Variants in EPHA6 observed in about 807,000 individuals in gnomAD.
EPHA6 encodes the protein ephrin type-A receptor 6.
A neutral mutation model predicts 112.0 loss-of-function variants in EPHA6; 50 were observed. The observed-to-expected ratio is 0.45, with a 90% CI of 0.36 to 0.56. The LOEUF (loss-of-function observed/expected upper bound fraction) is 0.56, where lower values mean the gene tolerates loss of function less well. Ranked by LOEUF, EPHA6 falls within the 20% of genes least tolerant of loss-of-function variation. The probability of loss-of-function intolerance (pLI) is 0.00; values close to 1 mark genes in which losing one functional copy is unlikely to be tolerated. For synonymous variants in EPHA6, 529 were observed against 490.7 expected (o/e 1.08, Z -1.03); for missense variants, 1,280 against 1,417.4 (o/e 0.90, Z 1.56).
chr3:97,248,135 T>C (rs1018389373), intron 5 of EPHA6, among the ~76,000 whole-genome samples: 3 of 152,004 alleles, frequency 2.0e-5, no homozygotes, highest in Non-Finnish European at 4.4e-5. Context: ...TAGATGTAGT[T>C]AGGAGAAACA....
intron 1 of EPHA6, among the ~76,000 whole-genome samples, chr3:96,828,178 A>G (rs572149113): frequency 4.6e-5 from 7 of 152,194 alleles, no homozygotes; most frequent in African/African-American, 1.7e-4. Flanking sequence ...TCTCCTAAAC[A>G]TATCAGAGTT....
intron 1 of EPHA6, among the ~76,000 whole-genome samples, chr3:96,827,549 T>C (rs763397673): frequency 4.3e-4 from 66 of 152,200 alleles, no homozygotes; most frequent in South Asian, 4.1e-4. Flanking sequence ...AGATATGAAG[T>C]GTGCTAGAAA....
chr3:97,307,778 T>C (rs1017128893), intron 5 of EPHA6, among the ~76,000 whole-genome samples: 2 of 151,776 alleles, frequency 1.3e-5, no homozygotes, highest in Non-Finnish European at 2.9e-5. Flanking sequence ...TGGGTAGTGT[T>C]AAATGGCATG....
chr3:96,869,102 T>TA (rs1211597508), intron 2 of EPHA6, among the ~76,000 whole-genome samples: 4 of 152,066 alleles, frequency 2.6e-5, no homozygotes, highest in African/African-American at 9.6e-5. Context: ...TGCCAACATT[T>TA]AAAATATACT....
At chr3:97,720,165 A>G (rs2034461926) in intron 14 of EPHA6, 96 bp from the exon 15 acceptor site, 10 of 1,108,226 alleles carry the variant, frequency 9.0e-6, no homozygotes, top group Non-Finnish European at 1.2e-5. Flanking sequence ...ATTATGAAGT[A>G]TTTAGATCTT....
At position 97,312,200 on chromosome 3, in the gene EPHA6, G is replaced by A. The variant is rs73133047; in HGVS notation, c.1606+67913G>A. On this transcript the variant is annotated intron_variant, in intron 5 of 17. Coordinates refer to ENST00000389672, the MANE Select transcript of EPHA6 (RefSeq NM_001080448.3). ...GTATAAGATCCTTTTATTTTTTCCC[G>A]TGTACACAATTATTCCATCTGCAAA... is the stretch of plus-strand genomic sequence containing the variant. 3.1e-3 allele frequency among the ~76,000 whole-genome samples: 470 copies of A among 150,626 alleles called. 5 individuals are homozygous for A. The highest frequency in any genetic ancestry group is 1.9e-3 in the Non-Finnish European group (125 of 67,498).
intron 6 of EPHA6, among the ~76,000 whole-genome samples, chr3:97,445,866 G>T (rs186687135): frequency 6.6e-6 from 1 of 152,036 alleles, no homozygotes; most frequent in African/African-American, 2.4e-5. Flanking sequence ...ACAATGGAAC[G>T]TGTTCCCTAG....
chr3:96,952,026 T>C (rs888113498), intron 2 of EPHA6, among the ~76,000 whole-genome samples: 3 of 152,134 alleles, frequency 2.0e-5, no homozygotes, highest in African/African-American at 4.8e-5. Flanking sequence ...GTGGGTATAC[T>C]TAATCTTGAC....
At chr3:97,174,731 T>C (rs1383677128) in intron 3 of EPHA6, among the ~76,000 whole-genome samples, 4 of 151,906 alleles carry the variant, frequency 2.6e-5, no homozygotes, top group African/African-American at 9.7e-5. Context: ...TGCCCATGTG[T>C]TGATCAGATT....
rs550374485 is a variant in EPHA6 at position 97,278,313 on chromosome 3, G to A, written c.1606+34026G>A. Among the ~76,000 whole-genome samples, 430 of 152,266 alleles carry A rather than the reference G, an allele frequency of 2.8e-3. 1 individual carries two copies. Among genetic ancestry groups the A allele is most frequent in the Non-Finnish European group, 4.8e-3 (328 of 68,016 alleles). ...CACTACTTTGAAGTTAGGACTGGTC[G>A]TGTTATGCTGATACTTAAAGATGTT... is the stretch of plus-strand genomic sequence containing the variant. On this transcript the variant is annotated intron_variant, in intron 5 of 17. Coordinates refer to ENST00000389672, the MANE Select transcript of EPHA6 (RefSeq NM_001080448.3).
At chr3:97,673,398 A>C (rs1355185038) in intron 14 of EPHA6, among the ~76,000 whole-genome samples, 1 of 152,168 alleles carries the variant, frequency 6.6e-6, no homozygotes, top group Non-Finnish European at 1.5e-5. Context: ...AAATAAAATA[A>C]TTGCTTTGAG....
intron 2 of EPHA6, among the ~76,000 whole-genome samples, chr3:96,944,093 C>G (rs953126812): frequency 6.6e-6 from 1 of 152,104 alleles, no homozygotes; most frequent in Admixed American, 6.6e-5. Flanking sequence ...TCTCAGTTAA[C>G]TCTCCATGAA....
rs147082777 is a variant in EPHA6 at position 97,111,310 on chromosome 3, T to G, written c.1115-114954T>G. The stretch of plus-strand genomic sequence containing the variant: ...ACTGAATTGAGTTTTTGAGATCTAT[T>G]ATTGTGGTGTTCATTTATTGTGTGA... On this transcript the variant is annotated intron_variant, in intron 3 of 17. Coordinates refer to ENST00000389672, the MANE Select transcript of EPHA6 (RefSeq NM_001080448.3). Among the ~76,000 whole-genome samples the G allele has an allele frequency of 1.1e-4, 16 of 152,294 alleles. 1 individual carries two copies. Among genetic ancestry groups the G allele is most frequent in the Non-Finnish European group, 2.4e-4 (16 of 68,028 alleles).
At chr3:97,226,188 A>T in intron 3 of EPHA6, 76 bp from the exon 4 acceptor site, 3 of 1,187,844 alleles carry the variant, frequency 2.5e-6, no homozygotes, top group Non-Finnish European at 3.5e-6. Context: ...AATATAAATT[A>T]AAGTATGTTG....
chr3:97,630,704 G>A (rs559822895), intron 13 of EPHA6, among the ~76,000 whole-genome samples: 20 of 151,914 alleles, frequency 1.3e-4, no homozygotes, highest in Non-Finnish European at 2.1e-4. Flanking sequence ...AAGATGAAAC[G>A]TCCAATAAGA....
At chr3:97,553,629 C>G (rs2093061570) in intron 11 of EPHA6, among the ~76,000 whole-genome samples, 2 of 152,044 alleles carry the variant, frequency 1.3e-5, no homozygotes, top group African/African-American at 4.8e-5. Flanking sequence ...ATGGGGGAAA[C>G]CGCCCCCGTG....
chr3:96,945,883 G>T (rs1440648428), intron 2 of EPHA6, among the ~76,000 whole-genome samples: 1 of 152,024 alleles, frequency 6.6e-6, no homozygotes, highest in Non-Finnish European at 1.5e-5. Flanking sequence ...CACACTTTTT[G>T]TTGTACATGC....
At chr3:97,602,618 C>A (rs1377432522) in intron 12 of EPHA6, among the ~76,000 whole-genome samples, 1 of 152,026 alleles carries the variant, frequency 6.6e-6, no homozygotes, top group African/African-American at 2.4e-5. Flanking sequence ...GCATCAGTAA[C>A]CTTACCTGTT....
In EPHA6 at chr3:97,641,712, G is replaced by A. The variant is rs180916571; in HGVS notation, c.2784+3630G>A. ...CTGGAAAATCGGGTCACTCCCACCC[G>A]AATATTGCGCTTTTCAGACCGGCTT... On this transcript the variant is annotated intron_variant, in intron 14 of 17. Transcript: ENST00000389672. Among the ~76,000 whole-genome samples, 1,301 of 152,316 alleles carry A rather than the reference G, an allele frequency of 8.5e-3. 11 individuals carry two copies. Among genetic ancestry groups the A allele is most frequent in the Non-Finnish European group, 0.014 (935 of 68,016 alleles).
Sources: gnomAD v4.1 joint callset for allele counts (sites outside exome capture counted in the v4.1 genomes callset) on GRCh38, gnomAD v4.1.1 for gene constraint, MANE v1.5 for transcripts, NCBI Gene and HGNC (gene_info 2026-07-23, HGNC 2026-07-21) for gene names.